The following DMKN variants were observed in gnomAD, a reference collection of about 807,000 sequenced individuals.
DMKN encodes epidermis-specific secreted protein SK30/SK89.
DMKN carries 58 observed loss-of-function variants against 67.6 expected under a neutral mutation model. The observed-to-expected ratio is 0.86, with a 90% CI of 0.69 to 1.07. DMKN has a LOEUF of 1.07. Ranked by LOEUF, DMKN falls within the 50% of genes least tolerant of loss-of-function variation. The probability of loss-of-function intolerance (pLI) is 0.00; values close to 1 mark genes in which losing one functional copy is unlikely to be tolerated. For synonymous variants in DMKN, 240 were observed against 232.3 expected, an observed-to-expected ratio of 1.03 and a Z score of -0.30; for missense variants, 596 against 601.5, an observed-to-expected ratio of 0.99 and a Z score of 0.10.
intron 9 of DMKN, among the ~76,000 whole-genome samples, chr19:35,504,572 C>A (rs1401455427): frequency 8.3e-6 from 1 of 121,020 alleles, no homozygotes; most frequent in South Asian, 2.5e-4. Flanking sequence ...AGCGAGACTC[C>A]GTCTCACCAA....
Position 35,513,594 on chromosome 19 carries a change from C to A in DMKN, c.-119G>T. The A allele has an allele frequency of 7.6e-7, 1 of 1,320,824 alleles. No individual in the cohort carries two copies. The highest frequency in any genetic ancestry group is 1.0e-6 in the Non-Finnish European group (1 of 991,688). The allele number at this position is 1,320,824 out of a possible 1,614,324, so 81.8% of individuals were successfully genotyped here. On this transcript the variant is annotated 5_prime_UTR_variant, in exon 1 of 16. Coordinates refer to ENST00000339686, the MANE Select transcript of DMKN (RefSeq NM_033317.5). ...CCTCCTCCTTCCGACTCCCTGTCCTCCCTCCCTCTGGGTCTGCAGCCTTCT... is the reference window on the plus strand; with the variant it reads ...CCTCCTCCTTCCGACTCCCTGTCCTACCTCCCTCTGGGTCTGCAGCCTTCT...
At chr19:35,507,973 T>G in intron 7 of DMKN, 1 of 537,078 alleles carries the variant, frequency 1.9e-6, no homozygotes, top group South Asian at 2.6e-5. Context: ...TGAGGCGGCA[T>G]AGAGTAGACT....
In DMKN at chr19:35,511,748, C is replaced by T. The variant is rs755304223; in HGVS notation, c.735+15G>A. The stretch of plus-strand genomic sequence containing the variant: ...CTCCTGGTGCACAACTCCTGGGTTG[C>T]CCCTCTCCACTCACCCCAGAGTTGC... On this transcript the variant is annotated intron_variant, in intron 4 of 15. Coordinates refer to ENST00000339686, the MANE Select transcript of DMKN (RefSeq NM_033317.5). 6.2e-7 allele frequency: 1 copy of T among 1,610,918 alleles called. No homozygotes were observed. The highest frequency in any genetic ancestry group is 1.1e-5 in the South Asian group (1 of 90,622).
chr19:35,500,750 C>T (rs973710427), intron 11 of DMKN, among the ~76,000 whole-genome samples, 170 bp from the exon 12 acceptor site: 1 of 152,338 alleles, frequency 6.6e-6, no homozygotes, highest in African/African-American at 2.4e-5. Context: ...CAGATATCCA[C>T]ACTCAGCATT....
At chr19:35,511,311 T>C (rs955275538) in intron 5 of DMKN, 100 bp downstream of exon 5, 2 of 1,570,396 alleles carry the variant, frequency 1.3e-6, no homozygotes, top group Non-Finnish European at 1.7e-6. Context: ...CCGCCCATCC[T>C]CGGGCAGCGG....
chr19:35,500,679 C>A, intron 11 of DMKN, 99 bp from the exon 12 acceptor site: 1 of 1,366,284 alleles, frequency 7.3e-7, no homozygotes, highest in Non-Finnish European at 1.0e-6. Context: ...CCCCTTTCCA[C>A]GTGCTACCTA....
intron 7 of DMKN, among the ~76,000 whole-genome samples, chr19:35,509,365 G>A (rs2070268428): frequency 6.6e-6 from 1 of 152,016 alleles, no homozygotes; most frequent in African/African-American, 2.4e-5. Flanking sequence ...CAGCACCTCC[G>A]GTCTGGCCTT....
intron 10 of DMKN, 21 bp downstream of exon 10, chr19:35,502,809 A>C: frequency 1.2e-6 from 2 of 1,613,908 alleles, no homozygotes; most frequent in Non-Finnish European, 1.7e-6. Flanking sequence ...CCAGTTCTTC[A>C]AACAGCAAGA....
chr19:35,498,370 G>GTTTGT (rs1336984101), intron 15 of DMKN: 1 of 272,316 alleles, frequency 3.7e-6, no homozygotes, highest in Non-Finnish European at 6.9e-6. Context: ...TTTTGTTTTG[G>GTTTGT]TTTGTTTTGT....
At chr19:35,509,320 T>C (rs1256546844) in intron 7 of DMKN, among the ~76,000 whole-genome samples, 1 of 152,148 alleles carries the variant, frequency 6.6e-6, no homozygotes, top group Admixed American at 6.5e-5. Flanking sequence ...GTATCCCTCA[T>C]AGATTATCTA....
chr19:35,510,364 T>C, intron 5 of DMKN, 112 bp from the exon 6 acceptor site: 1 of 1,552,470 alleles, frequency 6.4e-7, no homozygotes, highest in Non-Finnish European at 8.7e-7. Context: ...CCAGTCCTCT[T>C]TCCAACCTCC....
rs562288613 is a variant in DMKN at position 35,506,043 on chromosome 19, G to A, written c.1039-57C>T. On this transcript the variant is annotated intron_variant, in intron 7 of 15. Coordinates refer to ENST00000339686, the MANE Select transcript of DMKN (RefSeq NM_033317.5). ...AGAACCCACTTTGTGAGCCAGAGTC[G>A]GGAGATCTGAGTGGCAGGAGGGGAG... 134 of 1,613,232 alleles carry A rather than the reference G, an allele frequency of 8.3e-5. No homozygotes were observed. The East Asian group carries it at 2.5e-3, about 30-fold the overall frequency.
chr19:35,511,152 G>A (rs1183138247), intron 5 of DMKN, among the ~76,000 whole-genome samples: 1 of 152,172 alleles, frequency 6.6e-6, no homozygotes, highest in Non-Finnish European at 1.5e-5. Context: ...GCGGGATAAC[G>A]TCCCCACCAT....
chr19:35,510,067 C>A, intron 6 of DMKN, 106 bp from the exon 7 acceptor site: 1 of 1,574,250 alleles, frequency 6.4e-7, no homozygotes, highest in Non-Finnish European at 8.7e-7. Flanking sequence ...TCCGCTCCAC[C>A]TCCGCGGCCA....
rs1439639353 is a variant in DMKN at position 35,503,005 on chromosome 19, G to C, written c.1135-119C>G. On this transcript the variant is annotated intron_variant, in intron 9 of 15. Coordinates refer to ENST00000339686, the MANE Select transcript of DMKN (RefSeq NM_033317.5). ...GTCATTGTGACTAAGGTTGGGGATGGGAGGAGCTGAGAGTCTTTAGGGACA... is the reference window on the plus strand; with the variant it reads ...GTCATTGTGACTAAGGTTGGGGATGCGAGGAGCTGAGAGTCTTTAGGGACA... 2.5e-6 allele frequency: 3 copies of C among 1,216,210 alleles called. No homozygotes were observed. In the African/African-American group the frequency reaches 4.6e-5, roughly 19 times the overall value. 75.3% of individuals were successfully genotyped at this position (1,216,210 alleles called of 1,614,324 possible).
At position 35,505,770 on chromosome 19, in the gene DMKN, G is replaced by A. The variant is rs1364588345; in HGVS notation, c.1087-5C>T. On this transcript the variant is annotated splice_region_variant and splice_polypyrimidine_tract_variant and intron_variant, in intron 8 of 15. Transcript: ENST00000339686. ...ACCCAGCTTGGATTTAAAATTCTAT[G>A]GAGGAAACAAAAAGAAGAATGGCCA... The A allele has an allele frequency of 1.9e-6, 3 of 1,614,036 alleles. No homozygotes were observed. The highest frequency in any genetic ancestry group is 1.3e-5 in the African/African-American group (1 of 74,918).
chr19:35,499,864 G>C, intron 13 of DMKN, 94 bp downstream of exon 13: 1 of 1,417,086 alleles, frequency 7.1e-7, no homozygotes, highest in South Asian at 1.2e-5. Flanking sequence ...CCGGCCTCCG[G>C]CAACCAACCG....
chr19:35,513,401 C>T lies in DMKN; in HGVS notation c.75G>A (p.Gln25=). Residue 25 remains glutamine (Q), a synonymous_variant, in exon 1 of 16, where the codon CAG becomes CAA. Transcript: ENST00000339686. ...CLGSGEAGPL[Q]SGEESTGTNI... Reference sequence around the variant, plus strand: ...TTGTCCCAGTGCTTTCCTCTCCGCTCTGCAGGGGGCCAGCCTCCCCACTGC... The same window carrying T: ...TTGTCCCAGTGCTTTCCTCTCCGCTTTGCAGGGGGCCAGCCTCCCCACTGC... 6.2e-7 allele frequency: 1 copy of T among 1,607,454 alleles called. No individual in the cohort carries two copies. The highest frequency in any genetic ancestry group is 8.5e-7 in the Non-Finnish European group (1 of 1,180,002).
In DMKN at chr19:35,513,233, AG is replaced by A. The variant is rs1242238668; in HGVS notation, c.242del (p.Thr81MetfsTer11). 1 of 1,614,094 alleles carries A rather than the reference AG, an allele frequency of 6.2e-7. No homozygotes were observed. Among genetic ancestry groups the A allele is most frequent in the Non-Finnish European group, 8.5e-7 (1 of 1,180,028 alleles). ...LGQGTREAVG[T>X]GVRQVPGFGV... ...CAAAGCCTGGAACCTGCCTGACTCCAGTGCCAACTGCTTCTCTGGTCCCTTG... is the reference window on the plus strand; with the variant it reads ...CAAAGCCTGGAACCTGCCTGACTCCATGCCAACTGCTTCTCTGGTCCCTTG... On this transcript the variant is annotated frameshift_variant, in exon 1 of 16. Coordinates refer to ENST00000339686, the MANE Select transcript of DMKN (RefSeq NM_033317.5). LOFTEE classifies it high-confidence loss of function.
Sources: gnomAD v4.1 joint callset for allele counts (sites outside exome capture counted in the v4.1 genomes callset) on GRCh38, gnomAD v4.1.1 for gene constraint, MANE v1.5 for transcripts, NCBI Gene and HGNC (gene_info 2026-07-23, HGNC 2026-07-21) for gene names.